CCDC60: variants seen among roughly 807,000 people sequenced by gnomAD.
The protein encoded by CCDC60 is coiled-coil domain-containing protein 60.
Under a neutral mutation model 63.5 loss-of-function variants are expected in CCDC60, and 54 were observed. The observed-to-expected ratio is 0.85, with a 90% confidence interval of 0.68 to 1.07. The LOEUF (loss-of-function observed/expected upper bound fraction) is 1.07, where lower values mean the gene tolerates loss of function less well. Among genes scored for constraint, CCDC60 ranks in the 50% least tolerant of loss-of-function variants. CCDC60 has a pLI of 0.00. For synonymous variants in CCDC60, 206 were observed against 238.8 expected (o/e 0.86, Z 1.27); for missense variants, 651 against 684.3 (o/e 0.95, Z 0.54).
intron 1 of CCDC60, among the ~76,000 whole-genome samples, chr12:119,402,677 G>A (rs1956413843): frequency 6.6e-6 from 1 of 152,152 alleles, no homozygotes; most frequent in Non-Finnish European, 1.5e-5. Flanking sequence ...TAGGTAAATG[G>A]CAGCTGTTTT....
chr12:119,516,449 T>C (rs1009531661), intron 7 of CCDC60, among the ~76,000 whole-genome samples, 174 bp from the exon 8 acceptor site: 1 of 152,202 alleles, frequency 6.6e-6, no homozygotes, highest in East Asian at 1.9e-4. Context: ...TGGTCAGATT[T>C]GCAACATGCC....
At chr12:119,435,923 C>G (rs73406263) in intron 2 of CCDC60, among the ~76,000 whole-genome samples, 2,125 of 152,222 alleles carry the variant, frequency 0.014, 46 homozygotes, top group African/African-American at 0.048. Flanking sequence ...TGGAGGTCAG[C>G]TGGCTCTAGG....
In CCDC60 at chr12:119,520,199, A is replaced by AAGCCTGG; in HGVS notation, c.1040+14_1040+20dup. The AAGCCTGG allele has an allele frequency of 6.2e-7, 1 of 1,613,394 alleles. No individual in the cohort carries two copies. The stretch of plus-strand genomic sequence containing the variant: ...AGACCACTCTCAAATCAAGGTAGGA[A>AAGCCTGG]AGCCTGGAGCCTGCAGCAGGTGCCT... On this transcript the variant is annotated splice_region_variant and intron_variant, in intron 9 of 13. Coordinates refer to ENST00000327554, the MANE Select transcript of CCDC60 (RefSeq NM_178499.5).
At chr12:119,443,604 C>T (rs1950486104) in intron 2 of CCDC60, among the ~76,000 whole-genome samples, 1 of 152,168 alleles carries the variant, frequency 6.6e-6, no homozygotes, top group Non-Finnish European at 1.5e-5. Flanking sequence ...GCAGTTTAAA[C>T]CCCATTGTTT....
At chr12:119,403,450 G>A (rs1270662433) in intron 1 of CCDC60, among the ~76,000 whole-genome samples, 2 of 152,042 alleles carry the variant, frequency 1.3e-5, no homozygotes, top group African/African-American at 2.4e-5. Flanking sequence ...GCATAACGTC[G>A]AGCTTTAATC....
At position 119,377,272 on chromosome 12, in the gene CCDC60, A is replaced by G. The variant is rs11064765; in HGVS notation, c.90+42006A>G. Among the ~76,000 whole-genome samples, 27 of 150,564 alleles carry G rather than the reference A, an allele frequency of 1.8e-4. No homozygotes were observed. In the East Asian group the frequency reaches 4.1e-3, roughly 23 times the overall value. On this transcript the variant is annotated intron_variant, in intron 1 of 13. Coordinates refer to ENST00000327554, the MANE Select transcript of CCDC60 (RefSeq NM_178499.5). ...TCCATCTCAAAAAAAAAAAAAAAAA[A>G]AAAAAAAGAAAAAGAAAGAAAGAAA...
intron 8 of CCDC60, among the ~76,000 whole-genome samples, chr12:119,519,902 C>A (rs1005524301): frequency 6.6e-6 from 1 of 151,506 alleles, no homozygotes; most frequent in African/African-American, 2.4e-5. Flanking sequence ...GATCTAAATG[C>A]AGCTTCTGGG....
At chr12:119,382,249 G>A (rs1369953949) in intron 1 of CCDC60, among the ~76,000 whole-genome samples, 5 of 152,322 alleles carry the variant, frequency 3.3e-5, no homozygotes, top group Non-Finnish European at 2.9e-5. Context: ...AGTCTTTAGC[G>A]TTTTACCATG....
At chr12:119,445,556 T>C (rs1329451456) in intron 2 of CCDC60, among the ~76,000 whole-genome samples, 1 of 150,310 alleles carries the variant, frequency 6.7e-6, no homozygotes, top group Non-Finnish European at 1.5e-5. Flanking sequence ...GAACAATTCT[T>C]CAACAAGTTC....
chr12:119,458,339 TTA>T (rs1326861296), intron 2 of CCDC60, among the ~76,000 whole-genome samples: 1 of 152,248 alleles, frequency 6.6e-6, no homozygotes, highest in East Asian at 1.9e-4. Flanking sequence ...ACTCCTGGCT[TTA>T]TAGCCCCATA....
intron 1 of CCDC60, among the ~76,000 whole-genome samples, chr12:119,338,932 G>A (rs750106995): frequency 2.0e-5 from 3 of 152,194 alleles, no homozygotes; most frequent in Non-Finnish European, 2.9e-5. Flanking sequence ...TTCTCACAGG[G>A]TTGGACATTG....
chr12:119,400,839 C>T (rs368646675), intron 1 of CCDC60, among the ~76,000 whole-genome samples: 265 of 137,852 alleles, frequency 1.9e-3, no homozygotes, highest in African/African-American at 6.6e-3. Flanking sequence ...ATGGCCATCC[C>T]GGAGAGCCCA....
At chr12:119,360,548 C>T (rs1232367364) in intron 1 of CCDC60, among the ~76,000 whole-genome samples, 5 of 149,766 alleles carry the variant, frequency 3.3e-5, no homozygotes, top group Admixed American at 6.6e-5. Flanking sequence ...GGCGGCCGGG[C>T]GGAGACGCTC....
rs567735477 is a variant in CCDC60 at position 119,414,639 on chromosome 12, CT to C, written c.91-14043del. 5.9e-5 allele frequency among the ~76,000 whole-genome samples: 9 copies of C among 152,312 alleles called. No individual in the cohort carries two copies. The East Asian group carries it at 1.5e-3, about 26-fold the overall frequency. ...AATCATAGCTCACCACAACCTCAAA[CT>C]CTCGAGCTTAAGTGATCCTCCTGCC... is the stretch of plus-strand genomic sequence containing the variant. On this transcript the variant is annotated intron_variant, in intron 1 of 13. Transcript: ENST00000327554.
intron 1 of CCDC60, among the ~76,000 whole-genome samples, chr12:119,357,204 G>A (rs542722101): frequency 1.3e-5 from 2 of 152,228 alleles, no homozygotes; most frequent in East Asian, 3.9e-4. Flanking sequence ...AGGGTACTTA[G>A]GATACCTGTC....
Position 119,516,701 on chromosome 12 carries a change from C to T in CCDC60, c.962C>T (p.Ala321Val), listed in dbSNP as rs1047897453. 2.5e-5 allele frequency: 41 copies of T among 1,610,288 alleles called. No homozygotes were observed. Among genetic ancestry groups the T allele is most frequent in the African/African-American group, 4.0e-5 (3 of 74,832 alleles). Reference sequence around the variant, plus strand: ...ATAGAAAATGGGATGCAAAGAAAAGCACCCAGGTATGTGCTCTTGACTCCT... The same window carrying T: ...ATAGAAAATGGGATGCAAAGAAAAGTACCCAGGTATGTGCTCTTGACTCCT... ...VTIENGMQRK[A>V]PSILSVLKQN... The change falls in exon 8 of 14, where the codon GCA becomes GTA. Residue 321 changes from alanine (A) to valine (V), a missense_variant. Transcript: ENST00000327554.
intron 7 of CCDC60, among the ~76,000 whole-genome samples, chr12:119,511,382 T>A (rs536635522): frequency 6.6e-6 from 1 of 152,344 alleles, no homozygotes; most frequent in East Asian, 1.9e-4. Flanking sequence ...CTATGGGGAA[T>A]GATCCCCTCC....
At chr12:119,425,554 A>G (rs1520760) in intron 1 of CCDC60, among the ~76,000 whole-genome samples, 86,432 of 152,028 alleles carry the variant, frequency 0.57, 24,856 homozygotes, top group East Asian at 0.75. Flanking sequence ...ATGTTCATGA[A>G]AAGTCAAGAT....
At chr12:119,502,476 C>G (rs1655836561) in intron 6 of CCDC60, among the ~76,000 whole-genome samples, 1 of 152,136 alleles carries the variant, frequency 6.6e-6, no homozygotes, top group Non-Finnish European at 1.5e-5. Context: ...AGAGAAGCAG[C>G]ATTTAGGGAT....
Sources: gnomAD v4.1 joint callset for allele counts (sites outside exome capture counted in the v4.1 genomes callset) on GRCh38, gnomAD v4.1.1 for gene constraint, MANE v1.5 for transcripts, NCBI Gene and HGNC (gene_info 2026-07-23, HGNC 2026-07-21) for gene names.